The following WASF3 variants were observed in gnomAD, a reference collection of about 807,000 sequenced individuals.
The protein encoded by WASF3 is actin-binding protein WASF3.
Under a neutral mutation model 46.6 loss-of-function variants are expected in WASF3, and 11 were observed. That is an observed-to-expected ratio of 0.24 (90% CI 0.15 to 0.39). The LOEUF is 0.39. WASF3 is among the 10% of genes least tolerant of loss of function. The pLI is 1.00. For missense variants in WASF3, 576 were observed against 669.8 expected, an observed-to-expected ratio of 0.86 and a Z score of 1.55; for synonymous variants, 242 against 259.7, an observed-to-expected ratio of 0.93 and a Z score of 0.65.
chr13:26,594,207 C>G (rs1244491706), intron 1 of WASF3, among the ~76,000 whole-genome samples: 1 of 152,190 alleles, frequency 6.6e-6, no homozygotes, highest in Admixed American at 6.5e-5. Context: ...GCCATACCAT[C>G]AAATGCTCTT....
chr13:26,555,196 A>G (rs1879070472), upstream of WASF3, among the ~76,000 whole-genome samples: 2 of 151,726 alleles, frequency 1.3e-5, no homozygotes, highest in South Asian at 4.2e-4. Context: ...TGTATTGTCA[A>G]CTCCACTTTA....
rs1883151320 is a variant in WASF3, at chr13:26,679,090, C to T, written c.717-1964C>T. Reference sequence around the variant, plus strand: ...CCTCCCAGTCCTCTTCCTCCCGTGTCAGTGTCGCCTCTGGCCCTCCCAGTC... The same window carrying T: ...CCTCCCAGTCCTCTTCCTCCCGTGTTAGTGTCGCCTCTGGCCCTCCCAGTC... On this transcript the variant is annotated intron_variant, in intron 7 of 9. Transcript: ENST00000335327. The surrounding 1 kb of genome is among the most constrained non-coding windows in gnomAD (Gnocchi z 4.8). 6.7e-6 allele frequency among the ~76,000 whole-genome samples: 1 copy of T among 149,192 alleles called. No individual in the cohort carries two copies. Among genetic ancestry groups the T allele is most frequent in the African/African-American group, 2.5e-5 (1 of 40,146 alleles).
Position 26,679,304 on chromosome 13 carries a change from C to T in WASF3, c.717-1750C>T, listed in dbSNP as rs1883157192. Among the ~76,000 whole-genome samples, 1 of 152,174 alleles carries T rather than the reference C, an allele frequency of 6.6e-6. No individual in the cohort carries two copies. Among genetic ancestry groups the T allele is most frequent in the Admixed American group, 6.5e-5 (1 of 15,284 alleles). ...CACATCCCTTTTCTGTGGTCCTTCC[C>T]TCTTCAACTGACCAGTCCCCTCTTC... On this transcript the variant is annotated intron_variant, in intron 7 of 9. Coordinates refer to ENST00000335327, the MANE Select transcript of WASF3 (RefSeq NM_006646.6). This position sits in a 1 kb window ranked among gnomAD's most constrained non-coding sequence, Gnocchi z 4.8.
At chr13:26,540,300 G>A in the WASF3 span, among the ~76,000 whole-genome samples, 2 of 152,186 alleles carry the variant, frequency 1.3e-5, no homozygotes, top group Non-Finnish European at 1.5e-5. Context: ...AGGAAGTATA[G>A]CAGCAGCCCA....
upstream of WASF3, among the ~76,000 whole-genome samples, chr13:26,553,225 C>G (rs1007571245): frequency 5.3e-5 from 8 of 152,160 alleles, no homozygotes; most frequent in Non-Finnish European, 1.2e-4. Context: ...TTCTCTTGAC[C>G]ACAATACCTT....
chr13:26,554,093 TTCC>T (rs1249236115), upstream of WASF3, among the ~76,000 whole-genome samples: 95 of 114,794 alleles, frequency 8.3e-4, no homozygotes, highest in African/African-American at 1.9e-3. Context: ...CCTTCCTTCC[TTCC>T]TTCTTTCTTT....
At chr13:26,556,040 A>T (rs142355941), upstream of WASF3, among the ~76,000 whole-genome samples, 3 of 152,368 alleles carry the variant, frequency 2.0e-5, no homozygotes, top group East Asian at 5.8e-4. Context: ...TCAGCACTGT[A>T]CTAGGCATTA....
intron 1 of WASF3, among the ~76,000 whole-genome samples, chr13:26,567,039 A>G (rs531291378): frequency 6.6e-6 from 1 of 152,370 alleles, no homozygotes; most frequent in African/African-American, 2.4e-5. Flanking sequence ...TGATGTGCTC[A>G]GTGGCATTCA....
intron 1 of WASF3, among the ~76,000 whole-genome samples, chr13:26,594,619 A>G (rs1382676713): frequency 6.6e-6 from 1 of 152,070 alleles, no homozygotes; most frequent in Non-Finnish European, 1.5e-5. Context: ...CATACTGCCA[A>G]AGTTACCTCC....
At chr13:26,569,138 T>G in intron 1 of WASF3, among the ~76,000 whole-genome samples, 1 of 152,194 alleles carries the variant, frequency 6.6e-6, no homozygotes, top group East Asian at 1.9e-4. Flanking sequence ...TAATATTGGT[T>G]TAAAAAGAAG....
chr13:26,684,259 C>T (rs745384328), intron 9 of WASF3, among the ~76,000 whole-genome samples: 13 of 151,228 alleles, frequency 8.6e-5, no homozygotes, highest in South Asian at 4.2e-4. Context: ...CATTGTAGGA[C>T]GGTGTTGGAT....
the WASF3 span, among the ~76,000 whole-genome samples, chr13:26,547,561 A>G: frequency 6.6e-6 from 1 of 152,052 alleles, no homozygotes; most frequent in Non-Finnish European, 1.5e-5. Flanking sequence ...GCTTGGCCTT[A>G]CTGATTCCTT....
intron 2 of WASF3, among the ~76,000 whole-genome samples, chr13:26,629,314 G>C (rs186274047): frequency 1.3e-5 from 2 of 152,292 alleles, no homozygotes; most frequent in Admixed American, 1.3e-4. Context: ...CCTTTATCCA[G>C]ATCTCCTTGT....
At chr13:26,629,225 G>T (rs1881575709) in intron 2 of WASF3, among the ~76,000 whole-genome samples, 1 of 152,152 alleles carries the variant, frequency 6.6e-6, no homozygotes, top group African/African-American at 2.4e-5. Context: ...TCTCTTTGGT[G>T]GGAAACTTTC....
intron 3 of WASF3, among the ~76,000 whole-genome samples, chr13:26,656,067 A>G (rs1401276191): frequency 3.3e-5 from 5 of 152,160 alleles, no homozygotes; most frequent in African/African-American, 4.8e-5. Context: ...TGAAAGCCCT[A>G]GTTATGACTG....
chr13:26,669,093 TTTGTAGTGATTTATAG>T (rs1222654491), intron 5 of WASF3, among the ~76,000 whole-genome samples: 25 of 152,224 alleles, frequency 1.6e-4, no homozygotes, highest in African/African-American at 2.4e-4. Flanking sequence ...TGATAAAATA[TTTGTAGTGATTTATAG>T]TTGTAGTGAT....
chr13:26,591,610 T>G lies in WASF3; in HGVS notation c.-108-21351T>G, dbSNP rs565022370. On this transcript the variant is annotated intron_variant, in intron 1 of 9. Coordinates refer to ENST00000335327, the MANE Select transcript of WASF3 (RefSeq NM_006646.6). ...TGCTGGGGAACGTCAGGAGTTCAAT[T>G]TTGGGCATGTTATATTTCATATTAG... 2.6e-5 allele frequency among the ~76,000 whole-genome samples: 4 copies of G among 152,130 alleles called. No individual in the cohort carries two copies. In the East Asian group the frequency reaches 7.7e-4, roughly 29 times the overall value.
intron 1 of WASF3, among the ~76,000 whole-genome samples, chr13:26,608,079 A>T (rs1324140578): frequency 7.2e-6 from 1 of 139,064 alleles, no homozygotes. Context: ...AACAGTAGTA[A>T]ATGCTTGAAT....
chr13:26,655,920 C>A (rs1267520755), intron 3 of WASF3, among the ~76,000 whole-genome samples: 1 of 152,140 alleles, frequency 6.6e-6, no homozygotes, highest in African/African-American at 2.4e-5. Context: ...CACAGCAATA[C>A]ATTCTAGGTT....
Sources: allele counts gnomAD v4.1 joint callset (sites outside exome capture counted in the v4.1 genomes callset), GRCh38; gene constraint gnomAD v4.1.1; non-coding constraint Gnocchi (gnomAD v3.1); transcripts MANE v1.5; gene names NCBI Gene and HGNC (gene_info 2026-07-23, HGNC 2026-07-21).